SYT1: variants seen among roughly 807,000 people sequenced by gnomAD.
SYT1 encodes synaptotagmin 1, also known as synaptotagmin-1.
SYT1 carries 8 observed loss-of-function variants against 44.8 expected under a neutral mutation model. The ratio of observed to expected loss-of-function variants is 0.18; its 90% CI spans 0.10 to 0.32. The LOEUF is 0.32. Among genes scored for constraint, SYT1 ranks in the 10% least tolerant of loss-of-function variants. The probability of loss-of-function intolerance (pLI) is 1.00; values close to 1 mark genes in which losing one functional copy is unlikely to be tolerated. For missense variants in SYT1, 286 were observed against 509.3 expected (o/e 0.56, Z 4.22); for synonymous variants, 154 against 188.8 (o/e 0.82, Z 1.51).
At chr12:79,221,405 T>C (rs1875152896) in intron 4 of SYT1, among the ~76,000 whole-genome samples, 1 of 152,138 alleles carries the variant, frequency 6.6e-6, no homozygotes, top group African/African-American at 2.4e-5. Context: ...TATTTACATT[T>C]AAAGTAATTA....
At chr12:79,275,055 C>T (rs1313316188) in intron 4 of SYT1, among the ~76,000 whole-genome samples, 1 of 152,140 alleles carries the variant, frequency 6.6e-6, no homozygotes, top group African/African-American at 2.4e-5. Context: ...GGAGAATTCA[C>T]AGTCTTCTGA....
intron 9 of SYT1, among the ~76,000 whole-genome samples, chr12:79,360,457 G>A (rs1357162067): frequency 6.6e-6 from 1 of 151,990 alleles, no homozygotes; most frequent in Non-Finnish European, 1.5e-5. Context: ...CCTTCCACTG[G>A]TGCTGAAAGC....
intron 1 of SYT1, among the ~76,000 whole-genome samples, chr12:78,905,077 C>T (rs975886883): frequency 6.6e-6 from 1 of 152,108 alleles, no homozygotes; most frequent in African/African-American, 2.4e-5. Flanking sequence ...TGAATACATC[C>T]AATAGTAGGC....
chr12:78,995,845 C>T (rs1307265359), intron 2 of SYT1: 2 of 152,144 alleles, frequency 1.3e-5, no homozygotes, highest in Admixed American at 6.5e-5. Context: ...TGGCTCCAAA[C>T]ATGTAAGCAA....
At chr12:79,154,139 C>A (rs1870448137) in intron 3 of SYT1, among the ~76,000 whole-genome samples, 1 of 152,022 alleles carries the variant, frequency 6.6e-6, no homozygotes, top group South Asian at 2.1e-4. Context: ...TAACCTGATT[C>A]TTGGTTAAAT....
intron 9 of SYT1, among the ~76,000 whole-genome samples, chr12:79,424,955 T>TC (rs1326026934): frequency 1.4e-4 from 20 of 139,542 alleles, no homozygotes; most frequent in African/African-American, 4.9e-4. Flanking sequence ...TTCTTCTTCT[T>TC]TTTTTTTTTT....
chr12:79,214,210 A>T (rs1349108960), intron 3 of SYT1, among the ~76,000 whole-genome samples: 5 of 152,192 alleles, frequency 3.3e-5, no homozygotes, highest in African/African-American at 7.2e-5. Flanking sequence ...TAAATTTCAC[A>T]GTGGTATGCA....
chr12:78,944,734 A>G (rs185786838), intron 1 of SYT1, among the ~76,000 whole-genome samples: 3 of 152,292 alleles, frequency 2.0e-5, no homozygotes, highest in Non-Finnish European at 4.4e-5. Context: ...CTTATTTGTG[A>G]CAGCATTTAA....
intron 8 of SYT1, among the ~76,000 whole-genome samples, chr12:79,350,341 C>T (rs1882840881): frequency 1.3e-5 from 2 of 151,330 alleles, no homozygotes; most frequent in African/African-American, 2.4e-5. Flanking sequence ...CAAGCTCCGC[C>T]TCCCGGGTTC....
chr12:78,928,479 C>A (rs1161701981), intron 1 of SYT1, among the ~76,000 whole-genome samples: 1 of 151,758 alleles, frequency 6.6e-6, no homozygotes, highest in Non-Finnish European at 1.5e-5. Context: ...CTTTTTTTTT[C>A]TTTCCTTAAG....
chr12:78,932,238 A>T (rs1022474374), intron 1 of SYT1, among the ~76,000 whole-genome samples: 1 of 152,222 alleles, frequency 6.6e-6, no homozygotes, highest in Non-Finnish European at 1.5e-5. Context: ...TCATTTAACC[A>T]TAAATACTTC....
chr12:79,121,345 C>G (rs1280784407), intron 3 of SYT1, among the ~76,000 whole-genome samples: 2 of 152,252 alleles, frequency 1.3e-5, no homozygotes, highest in East Asian at 3.9e-4. Context: ...AGTAGATAGC[C>G]TCATATACTA....
At chr12:79,445,200 G>A (rs1393630615) in intron 10 of SYT1, among the ~76,000 whole-genome samples, 1 of 151,926 alleles carries the variant, frequency 6.6e-6, no homozygotes, top group Non-Finnish European at 1.5e-5. Flanking sequence ...AATAGTAGTT[G>A]TACATATTCA....
chr12:79,070,349 G>C (rs990443169), intron 3 of SYT1, among the ~76,000 whole-genome samples: 2 of 152,004 alleles, frequency 1.3e-5, no homozygotes, highest in Non-Finnish European at 2.9e-5. Flanking sequence ...AGAAATTAAT[G>C]GCTAATTAAT....
chr12:79,389,228 A>G (rs1186433805), intron 9 of SYT1, among the ~76,000 whole-genome samples: 1 of 152,212 alleles, frequency 6.6e-6, no homozygotes, highest in Non-Finnish European at 1.5e-5. Context: ...ACGTCTTACT[A>G]ATCAGATCTT....
At chr12:79,042,849 G>C (rs897455033) in intron 2 of SYT1, among the ~76,000 whole-genome samples, 1 of 151,838 alleles carries the variant, frequency 6.6e-6, no homozygotes, top group African/African-American at 2.4e-5. Flanking sequence ...TGGTTTCAAA[G>C]AACATCTTTA....
At chr12:79,180,299 A>G (rs1231969402) in intron 3 of SYT1, among the ~76,000 whole-genome samples, 2 of 152,054 alleles carry the variant, frequency 1.3e-5, no homozygotes, top group African/African-American at 4.8e-5. Context: ...CACTATCCTC[A>G]CTTCCTGATT....
intron 3 of SYT1, among the ~76,000 whole-genome samples, chr12:79,145,439 C>A (rs981644956): frequency 3.9e-5 from 6 of 152,032 alleles, no homozygotes; most frequent in African/African-American, 1.4e-4. Context: ...CTGATTCTTT[C>A]TATGACTTTA....
intron 8 of SYT1, among the ~76,000 whole-genome samples, chr12:79,307,662 G>A (rs1880473173): frequency 6.6e-6 from 1 of 152,030 alleles, no homozygotes; most frequent in South Asian, 2.1e-4. Context: ...GGAGGAGCCC[G>A]AACGAAGCCT....
Sources: allele counts gnomAD v4.1 joint callset (sites outside exome capture counted in the v4.1 genomes callset), GRCh38; gene constraint gnomAD v4.1.1; transcripts MANE v1.5; gene names NCBI Gene and HGNC (gene_info 2026-07-23, HGNC 2026-07-21).